GLI3: variants seen among roughly 807,000 people sequenced by gnomAD.
GLI3 encodes GLI family zinc finger 3, also known as transcription activator GLI3.
In GLI3, 20 loss-of-function variants were observed where a neutral mutation model predicts 100.8. That is an observed-to-expected ratio of 0.20 (90% CI 0.14 to 0.29). The LOEUF (loss-of-function observed/expected upper bound fraction) is 0.29, where lower values mean the gene tolerates loss of function less well. GLI3 is among the 10% of genes least tolerant of loss of function. The pLI is 1.00. For missense variants in GLI3, 2,040 were observed against 2,128.5 expected (o/e 0.96, Z 0.82); for synonymous variants, 938 against 860.5 (o/e 1.09, Z -1.58).
At chr7:42,163,531 C>G (rs555661111) in intron 2 of GLI3, among the ~76,000 whole-genome samples, 1 of 151,764 alleles carries the variant, frequency 6.6e-6, no homozygotes, top group Non-Finnish European at 1.5e-5. Context: ...TGGGTTCAAG[C>G]GATTCTCCTG....
At position 42,165,367 on chromosome 7, in the gene GLI3, T is replaced by C. The variant is rs554681544; in HGVS notation, c.125-16899A>G. Among the ~76,000 whole-genome samples, 265 of 152,280 alleles carry C rather than the reference T, an allele frequency of 1.7e-3. 1 individual carries two copies. Among genetic ancestry groups the C allele is most frequent in the African/African-American group, 5.9e-3 (246 of 41,542 alleles). On this transcript the variant is annotated intron_variant, in intron 2 of 14. Coordinates refer to ENST00000395925, the MANE Select transcript of GLI3 (RefSeq NM_000168.6). ...TGTGAACTATCTTTCTACATGAAGG[T>C]TTTAAGAGTTCAAATAATATGCAAA... is the stretch of plus-strand genomic sequence containing the variant.
At chr7:42,250,581 T>A (rs555447991) in intron 1 of GLI3, among the ~76,000 whole-genome samples, 1 of 152,186 alleles carries the variant, frequency 6.6e-6, no homozygotes, top group Non-Finnish European at 1.5e-5. Context: ...GCCAGAGCCA[T>A]GTCCCCCATG....
Position 42,048,476 on chromosome 7 carries a change from C to A in GLI3, c.679+15G>T, listed in dbSNP as rs1399126830. On this transcript the variant is annotated intron_variant, in intron 5 of 14. Transcript: ENST00000395925. ...GCTGCATGATCTCCAGAAGCAGAAT[C>A]CATCCTGGACTTACCATCTGTAGGG... 1.9e-6 allele frequency: 3 copies of A among 1,567,104 alleles called. No homozygotes were observed. Among genetic ancestry groups the A allele is most frequent in the Non-Finnish European group, 2.6e-6 (3 of 1,138,022 alleles).
At position 42,084,889 on chromosome 7, in the gene GLI3, T is replaced by C. The variant is rs537666149; in HGVS notation, c.368-8032A>G. 7.4e-5 allele frequency among the ~76,000 whole-genome samples: 11 copies of C among 147,938 alleles called. No individual in the cohort carries two copies. The South Asian group carries it at 1.5e-3, about 20-fold the overall frequency. ...AGTCACAGTTATAGCTCTAAAAATA[T>C]GCATTTGGATTCTTTTTTTTTTTTT... On this transcript the variant is annotated intron_variant, in intron 3 of 14. Coordinates refer to ENST00000395925, the MANE Select transcript of GLI3 (RefSeq NM_000168.6).
At chr7:41,997,714 T>C (rs1788166437) in intron 10 of GLI3, among the ~76,000 whole-genome samples, 1 of 152,200 alleles carries the variant, frequency 6.6e-6, no homozygotes, top group Non-Finnish European at 1.5e-5. Context: ...TCTGGACTGC[T>C]TCCTGAGTAG....
rs1156887540 is a variant in GLI3, at chr7:42,097,501, G to C, written c.368-20644C>G. The stretch of plus-strand genomic sequence containing the variant: ...GCAGGTGATGCCTGGGGCCTACCCC[G>C]GGAGCCCCCCTTCCCCTGGACACCA... On this transcript the variant is annotated intron_variant, in intron 3 of 14. Coordinates refer to ENST00000395925, the MANE Select transcript of GLI3 (RefSeq NM_000168.6). Among the ~76,000 whole-genome samples the C allele has an allele frequency of 3.9e-5, 6 of 152,254 alleles. No individual in the cohort carries two copies. In the East Asian group the frequency reaches 1.2e-3, roughly 30 times the overall value.
chr7:42,188,475 A>G (rs1276689863), intron 2 of GLI3, among the ~76,000 whole-genome samples: 2 of 152,250 alleles, frequency 1.3e-5, no homozygotes, highest in Non-Finnish European at 2.9e-5. Flanking sequence ...AATCAGAGAT[A>G]GGAACAAAAA....
intron 2 of GLI3, among the ~76,000 whole-genome samples, chr7:42,178,223 A>C (rs1787518784): frequency 1.3e-5 from 2 of 152,230 alleles, no homozygotes. Context: ...CAGTCAGGAC[A>C]AAATGTGCAT....
intron 1 of GLI3, among the ~76,000 whole-genome samples, chr7:42,261,200 AACAC>A (rs10524898): frequency 1.0e-3 from 148 of 147,432 alleles, no homozygotes; most frequent in East Asian, 7.9e-3. Context: ...CACACACACA[AACAC>A]ACACACACAC....
At chr7:42,223,059 A>T in intron 2 of GLI3, 71 bp downstream of exon 2, 1 of 1,581,672 alleles carries the variant, frequency 6.3e-7, no homozygotes, top group Non-Finnish European at 8.7e-7. Flanking sequence ...GCAAACGCTC[A>T]ATTCACAAGG....
chr7:42,148,193 C>T lies in GLI3; in HGVS notation c.367+33G>A, dbSNP rs752116067. ...CACACACACAGCCCTCCCCATAGCTCCTGAACAAGTGCCGACTGGCATGGG... is the reference window on the plus strand; with the variant it reads ...CACACACACAGCCCTCCCCATAGCTTCTGAACAAGTGCCGACTGGCATGGG... On this transcript the variant is annotated intron_variant, in intron 3 of 14. Coordinates refer to ENST00000395925, the MANE Select transcript of GLI3 (RefSeq NM_000168.6). 38 of 1,584,750 alleles carry T rather than the reference C, an allele frequency of 2.4e-5. 1 individual carries two copies. The South Asian group carries it at 3.2e-4, about 13-fold the overall frequency.
At chr7:42,131,300 G>A (rs1331832709) in intron 3 of GLI3, among the ~76,000 whole-genome samples, 1 of 152,134 alleles carries the variant, frequency 6.6e-6, no homozygotes, top group African/African-American at 2.4e-5. Context: ...AGATATGGTT[G>A]GGAGGTTGGG....
At chr7:42,021,206 C>A (rs1213514464) in intron 10 of GLI3, among the ~76,000 whole-genome samples, 1 of 152,098 alleles carries the variant, frequency 6.6e-6, no homozygotes, top group African/African-American at 2.4e-5. Context: ...AATTATAATT[C>A]TTAATTCATT....
chr7:42,254,085 G>A (rs1789060851), intron 1 of GLI3, among the ~76,000 whole-genome samples: 2 of 152,158 alleles, frequency 1.3e-5, no homozygotes, highest in Non-Finnish European at 2.9e-5. Context: ...TGGGCATGGT[G>A]GTGCATGCCT....
At chr7:42,146,268 C>T (rs1431442418) in intron 3 of GLI3, among the ~76,000 whole-genome samples, 1 of 152,110 alleles carries the variant, frequency 6.6e-6, no homozygotes, top group African/African-American at 2.4e-5. Context: ...GAATTCAGAT[C>T]CCCCTAAGAG....
intron 5 of GLI3, 115 bp downstream of exon 5, chr7:42,048,374 AGC>A: frequency 1.3e-6 from 1 of 786,424 alleles, no homozygotes; most frequent in South Asian, 1.4e-5. Flanking sequence ...CACAGAGCAC[AGC>A]GCCTGGCACA....
intron 3 of GLI3, among the ~76,000 whole-genome samples, chr7:42,144,750 A>G (rs987552337): frequency 6.6e-6 from 1 of 152,188 alleles, no homozygotes; most frequent in African/African-American, 2.4e-5. Flanking sequence ...TACAAAGTTC[A>G]TATATATAGA....
chr7:42,016,343 C>A (rs920816681), intron 10 of GLI3, among the ~76,000 whole-genome samples: 7 of 152,148 alleles, frequency 4.6e-5, no homozygotes, highest in African/African-American at 1.7e-4. Flanking sequence ...GGGGGCCTAT[C>A]GACATCTTTC....
At chr7:41,969,470 G>A (rs1287067448) in intron 13 of GLI3, among the ~76,000 whole-genome samples, 1 of 152,164 alleles carries the variant, frequency 6.6e-6, no homozygotes, top group African/African-American at 2.4e-5. Context: ...CTTTCTAAGT[G>A]AGTGCTGCAT....
Sources: gnomAD v4.1 joint callset for allele counts (sites outside exome capture counted in the v4.1 genomes callset) on GRCh38, gnomAD v4.1.1 for gene constraint, MANE v1.5 for transcripts, NCBI Gene and HGNC (gene_info 2026-07-23, HGNC 2026-07-21) for gene names.